The following SYK variants were observed in gnomAD, a reference collection of about 807,000 sequenced individuals.
SYK encodes the protein spleen associated tyrosine kinase.
A neutral mutation model predicts 77.8 loss-of-function variants in SYK; 16 were observed. That is an observed-to-expected ratio of 0.21 (90% CI 0.14 to 0.31). SYK has a LOEUF of 0.31. Ranked by LOEUF, SYK falls within the 10% of genes least tolerant of loss-of-function variation. SYK has a pLI of 1.00. For synonymous variants in SYK, 312 were observed against 308.7 expected, an observed-to-expected ratio of 1.01 and a Z score of -0.11; for missense variants, 529 against 814.4, an observed-to-expected ratio of 0.65 and a Z score of 4.26.
rs769619777 is a variant in SYK at position 90,843,861 on chromosome 9, G to A, written c.-38G>A. 7.0e-7 allele frequency: 1 copy of A among 1,438,520 alleles called. No homozygotes were observed. Among genetic ancestry groups the A allele is most frequent in the Non-Finnish European group, 9.1e-7 (1 of 1,095,266 alleles). 89.1% of individuals were successfully genotyped at this position (1,438,520 alleles called of 1,614,324 possible). A position where few individuals can be genotyped will look rare whatever the true frequency, so the allele number is the denominator to read the frequency against. Reference sequence around the variant, plus strand: ...TCTCTGTCTCTGTCTTGCCCAGGTGGACACCTGCGCAGGTGTGTGCCCTCC... The same window carrying A: ...TCTCTGTCTCTGTCTTGCCCAGGTGAACACCTGCGCAGGTGTGTGCCCTCC... On this transcript the variant is annotated 5_prime_UTR_variant, in exon 2 of 14. Coordinates refer to ENST00000375754, the MANE Select transcript of SYK (RefSeq NM_003177.7).
intron 1 of SYK, among the ~76,000 whole-genome samples, chr9:90,809,569 G>T (rs562076635): frequency 6.5e-4 from 99 of 152,314 alleles, no homozygotes; most frequent in Admixed American, 1.2e-3. Flanking sequence ...CACAAAACTT[G>T]TTTTGATCTT....
chr9:90,833,090 T>A (rs1170820088), intron 1 of SYK, among the ~76,000 whole-genome samples: 2 of 152,112 alleles, frequency 1.3e-5, no homozygotes, highest in Non-Finnish European at 2.9e-5. Flanking sequence ...TTCCCCAGAG[T>A]GAGCAATCCA....
chr9:90,862,172 C>T (rs1316806960), intron 3 of SYK, 34 bp from the exon 4 acceptor site: 10 of 1,560,464 alleles, frequency 6.4e-6, no homozygotes, highest in African/African-American at 1.4e-5. Context: ...GACTGGCGGG[C>T]CTGGGGATGA....
chr9:90,883,529 G>C (rs935726167), intron 11 of SYK, among the ~76,000 whole-genome samples: 5 of 152,170 alleles, frequency 3.3e-5, no homozygotes, highest in African/African-American at 1.2e-4. Context: ...CACCTATTGA[G>C]AGTGGCCCTA....
intron 8 of SYK, 126 bp downstream of exon 8, chr9:90,874,417 A>G: frequency 9.9e-7 from 1 of 1,013,164 alleles, no homozygotes; most frequent in East Asian, 2.5e-5. Flanking sequence ...TTAGCCATGG[A>G]AACACTCACA....
chr9:90,878,893 C>T lies in SYK; in HGVS notation c.1521C>T (p.Tyr507=), dbSNP rs2306041. The part of the protein sequence containing the change: ...ARNVLLVTQH[Y]AKISDFGLSK... ...ATGTGTTGCTAGTTACCCAACATTA[C>T]GCCAAGATCAGTGATTTCGGACTTT... Residue 507 remains tyrosine (Y), a synonymous_variant, in exon 11 of 14, where the codon TAC becomes TAT. Transcript: ENST00000375754. The T allele has an allele frequency of 0.16, 254,177 of 1,612,714 alleles. 22,807 individuals are homozygous for T. Among genetic ancestry groups the T allele is most frequent in the Admixed American group, 0.38 (22,749 of 60,000 alleles).
intron 10 of SYK, among the ~76,000 whole-genome samples, chr9:90,878,252 A>G (rs1828018682): frequency 6.6e-6 from 1 of 152,326 alleles, no homozygotes; most frequent in Admixed American, 6.5e-5. Flanking sequence ...CAAGGGAGTA[A>G]TTGTGTTCTT....
At chr9:90,865,935 G>C (rs1827471828) in intron 6 of SYK, among the ~76,000 whole-genome samples, 1 of 109,700 alleles carries the variant, frequency 9.1e-6, no homozygotes. Context: ...GTCTCGCTCT[G>C]TTGCCCAGGC....
At chr9:90,858,586 T>G (rs1827130191) in intron 3 of SYK, among the ~76,000 whole-genome samples, 2 of 152,226 alleles carry the variant, frequency 1.3e-5, no homozygotes, top group Non-Finnish European at 2.9e-5. Flanking sequence ...GGTGTCCTGA[T>G]GCCACCACCA....
At chr9:90,827,048 A>G (rs950783347) in intron 1 of SYK, among the ~76,000 whole-genome samples, 3 of 151,974 alleles carry the variant, frequency 2.0e-5, no homozygotes, top group African/African-American at 4.8e-5. Flanking sequence ...ATTTGGTTCA[A>G]TCTTCTGGTT....
chr9:90,842,504 TG>T (rs1826405532), intron 1 of SYK, among the ~76,000 whole-genome samples: 1 of 151,328 alleles, frequency 6.6e-6, no homozygotes, highest in African/African-American at 2.4e-5. Flanking sequence ...TGTATGTGTG[TG>T]GGGTAGTGTG....
chr9:90,844,612 G>C (rs1355260899), intron 2 of SYK, among the ~76,000 whole-genome samples: 4 of 152,214 alleles, frequency 2.6e-5, no homozygotes, highest in Admixed American at 2.6e-4. Flanking sequence ...GATAGGTGTT[G>C]ATTGGTTTCT....
intron 3 of SYK, among the ~76,000 whole-genome samples, chr9:90,848,713 GCCAGGCA>G (rs1040214272): frequency 2.0e-5 from 3 of 152,244 alleles, no homozygotes; most frequent in Non-Finnish European, 4.4e-5. Flanking sequence ...AGCACTAAGT[GCCAGGCA>G]CCATTCTGGA....
intron 3 of SYK, among the ~76,000 whole-genome samples, chr9:90,857,629 C>A (rs1227363849): frequency 6.6e-6 from 1 of 152,208 alleles, no homozygotes; most frequent in Non-Finnish European, 1.5e-5. Flanking sequence ...TTATCTATAT[C>A]TTTCATGGAT....
At chr9:90,816,412 T>C (rs1459982940) in intron 1 of SYK, among the ~76,000 whole-genome samples, 1 of 152,216 alleles carries the variant, frequency 6.6e-6, no homozygotes, top group African/African-American at 2.4e-5. Flanking sequence ...AGCTGGACTA[T>C]ATGCCTCTGG....
Position 90,844,150 on chromosome 9 carries a change from C to T in SYK, c.252C>T (p.Ser84=), listed in dbSNP as rs536147934. 3 of 1,614,062 alleles carry T rather than the reference C, an allele frequency of 1.9e-6. No individual in the cohort carries two copies. ...TCGCCGGTGGCAGGACCCATGCCAGCCCCGCCGACCTCTGCCACTACCACT... is the reference window on the plus strand; with the variant it reads ...TCGCCGGTGGCAGGACCCATGCCAGTCCCGCCGACCTCTGCCACTACCACT... The part of the protein sequence containing the change: ...YAIAGGRTHA[S]PADLCHYHSQ... Residue 84 remains serine, a synonymous_variant, in exon 2 of 14, where the codon AGC becomes AGT. Transcript: ENST00000375754.
intron 7 of SYK, among the ~76,000 whole-genome samples, chr9:90,869,632 A>G (rs1827651021): frequency 6.6e-6 from 1 of 152,254 alleles, no homozygotes. Flanking sequence ...TAATTTGCTC[A>G]GTGTACATAG....
At chr9:90,870,193 A>C (rs996677477) in intron 7 of SYK, among the ~76,000 whole-genome samples, 10 of 152,268 alleles carry the variant, frequency 6.6e-5, no homozygotes, top group Admixed American at 6.5e-5. Flanking sequence ...AGTAGTCTTT[A>C]AATGAATTAA....
intron 1 of SYK, among the ~76,000 whole-genome samples, chr9:90,826,936 C>T (rs1246220634): frequency 1.3e-5 from 2 of 151,966 alleles, no homozygotes; most frequent in Non-Finnish European, 2.9e-5. Context: ...ACACATTGGC[C>T]TTTCCGCCAT....
Sources: allele counts gnomAD v4.1 joint callset (sites outside exome capture counted in the v4.1 genomes callset), GRCh38; gene constraint gnomAD v4.1.1; transcripts MANE v1.5; gene names NCBI Gene and HGNC (gene_info 2026-07-23, HGNC 2026-07-21).